The following PLCD1 variants were observed in gnomAD, a reference collection of about 807,000 sequenced individuals.
PLCD1 encodes the protein 1-phosphatidylinositol 4,5-bisphosphate phosphodiesterase delta-1.
PLCD1 carries 71 observed loss-of-function variants against 87.4 expected under a neutral mutation model. That is an observed-to-expected ratio of 0.81 (90% CI 0.67 to 0.99). PLCD1 has a LOEUF of 0.99. Ranked by LOEUF, PLCD1 falls within the 50% of genes least tolerant of loss-of-function variation. The probability of loss-of-function intolerance (pLI) is 0.00; values close to 1 mark genes in which losing one functional copy is unlikely to be tolerated. For synonymous variants in PLCD1, 348 were observed against 399.2 expected (o/e 0.87, Z 1.53); for missense variants, 867 against 1,001.5 (o/e 0.87, Z 1.81).
rs1485519904 is a variant in PLCD1 at position 38,016,484 on chromosome 3, A to G, written c.428+7T>C. 2 of 1,600,502 alleles carry G rather than the reference A, an allele frequency of 1.2e-6. No homozygotes were observed. Among genetic ancestry groups the G allele is most frequent in the Admixed American group, 1.7e-5 (1 of 59,878 alleles). ...CAGGCCTGGACCCACTGCCACCAAA[A>G]GGATACTGCTGTAGCTTCTGACGCT... On this transcript the variant is annotated splice_region_variant and intron_variant, in intron 3 of 14. Transcript: ENST00000334661.
intron 1 of PLCD1, chr3:38,024,275 G>A: frequency 7.5e-6 from 11 of 1,463,388 alleles, no homozygotes; most frequent in Non-Finnish European, 1.0e-5. Flanking sequence ...CAAGTGGTCG[G>A]CGTCCTGCTC....
chr3:38,012,700 T>A (rs1322773578), intron 3 of PLCD1, among the ~76,000 whole-genome samples: 1 of 151,852 alleles, frequency 6.6e-6, no homozygotes, highest in African/African-American at 2.4e-5. Context: ...TATTTTTAGT[T>A]GAGACGGGGT....
Position 38,008,444 on chromosome 3 carries a change from T to C in PLCD1, c.1902+14A>G. ...GAGGTCCGTGGGCACCTGTCCCTCC[T>C]AGGTCCAGCGTACCCTGATGTTGAG... is the stretch of plus-strand genomic sequence containing the variant. On this transcript the variant is annotated intron_variant, in intron 12 of 14. Coordinates refer to ENST00000334661, the MANE Select transcript of PLCD1 (RefSeq NM_006225.4). The C allele has an allele frequency of 1.2e-6, 2 of 1,614,098 alleles. No individual in the cohort carries two copies. The highest frequency in any genetic ancestry group is 1.1e-5 in the South Asian group (1 of 91,084).
Position 38,008,335 on chromosome 3 carries a change from G to GT in PLCD1, c.1934dup (p.Asn645LysfsTer4). On this transcript the variant is annotated frameshift_variant, in exon 13 of 15. Coordinates refer to ENST00000334661, the MANE Select transcript of PLCD1 (RefSeq NM_006225.4). LOFTEE classifies it high-confidence loss of function. ...GGTCCACAATTGAATTCTTATTCTT[G>GT]TTGACTTTTGGCAGCTGCTGCCCCG... The GT allele has an allele frequency of 6.2e-7, 1 of 1,614,206 alleles. No homozygotes were observed. The highest frequency in any genetic ancestry group is 8.5e-7 in the Non-Finnish European group (1 of 1,180,024).
rs1235854690 is a variant in PLCD1, at chr3:38,010,543, C to T, written c.810G>A (p.Met270Ile). 6.2e-7 allele frequency: 1 copy of T among 1,613,798 alleles called. No homozygotes were observed. The highest frequency in any genetic ancestry group is 8.5e-7 in the Non-Finnish European group (1 of 1,179,866). Residue 270 changes from methionine to isoleucine, a missense_variant, in exon 6 of 15, where the codon ATG becomes ATA. Transcript: ENST00000334661. ...AGTACATGAGGAAGCCGTCCTTGGTCATCTGCCGCTGCGCCTTGGCTGGGA... is the reference window on the plus strand; with the variant it reads ...AGTACATGAGGAAGCCGTCCTTGGTTATCTGCCGCTGCGCCTTGGCTGGGA... ...PSETAKAQRQ[M>I]TKDGFLMYLL...
At chr3:38,009,509 G>A (rs1053270363) in intron 9 of PLCD1, 78 bp from the exon 10 acceptor site, 190 of 1,572,332 alleles carry the variant, frequency 1.2e-4, no homozygotes, top group Non-Finnish European at 4.7e-5. Flanking sequence ...AAACCCAGGC[G>A]CAGAGAGACA....
chr3:38,017,135 T>C lies in PLCD1; in HGVS notation c.200-416A>G, dbSNP rs1043154057. Among the ~76,000 whole-genome samples, 2 of 150,966 alleles carry C rather than the reference T, an allele frequency of 1.3e-5. No individual in the cohort carries two copies. Among genetic ancestry groups the C allele is most frequent in the African/African-American group, 4.9e-5 (2 of 40,944 alleles). ...GAGATGCGGACAGACCACTCTGGAG[T>C]GTGGGGCCCATGACAGAGAAGGGCC... is the stretch of plus-strand genomic sequence containing the variant. On this transcript the variant is annotated intron_variant, in intron 2 of 14. Coordinates refer to ENST00000334661, the MANE Select transcript of PLCD1 (RefSeq NM_006225.4). This position sits in a 1 kb window ranked among gnomAD's most constrained non-coding sequence, Gnocchi z 4.7.
At chr3:38,020,542 G>A (rs1442298094) in intron 1 of PLCD1, among the ~76,000 whole-genome samples, 190 bp from the exon 2 acceptor site, 1 of 152,096 alleles carries the variant, frequency 6.6e-6, no homozygotes, top group Non-Finnish European at 1.5e-5. Context: ...CCTCCAGGAA[G>A]TCATCCCTGA....
At chr3:38,024,503 C>T (rs756919802) in intron 1 of PLCD1, 1 of 1,550,508 alleles carries the variant, frequency 6.4e-7, no homozygotes, top group Non-Finnish European at 8.7e-7. Context: ...GTTTTATGCT[C>T]ACAACACCCT....
At chr3:38,022,391 T>G (rs1700248588) in intron 1 of PLCD1, among the ~76,000 whole-genome samples, 1 of 152,216 alleles carries the variant, frequency 6.6e-6, no homozygotes, top group South Asian at 2.1e-4. Context: ...CTATCCCTTC[T>G]AAGGCTGATG....
At chr3:38,024,701 A>C (rs1700287208) in intron 1 of PLCD1, 2 of 1,481,626 alleles carry the variant, frequency 1.3e-6, no homozygotes, top group Non-Finnish European at 1.8e-6. Flanking sequence ...GGCGGGACCT[A>C]TGCCCCCTGA....
intron 1 of PLCD1, chr3:38,024,229 T>G (rs1255010478): frequency 1.0e-6 from 1 of 964,356 alleles, no homozygotes; most frequent in Non-Finnish European, 1.6e-6. Context: ...CATGTCCAAT[T>G]AAAGGCTCCA....
intron 1 of PLCD1, among the ~76,000 whole-genome samples, chr3:38,028,963 A>G (rs1481841865): frequency 6.6e-6 from 1 of 152,220 alleles, no homozygotes; most frequent in African/African-American, 2.4e-5. Context: ...ATCGCTGACT[A>G]TTCTGCGCTG....
intron 1 of PLCD1, among the ~76,000 whole-genome samples, chr3:38,028,167 AGATGTCC>A (rs1213990954): frequency 6.6e-6 from 1 of 152,246 alleles, no homozygotes; most frequent in African/African-American, 2.4e-5. Flanking sequence ...GAGAAAGCAG[AGATGTCC>A]ACTGTGTCCT....
In PLCD1 at chr3:38,011,172, G is replaced by C. The variant is rs199514996; in HGVS notation, c.790+42C>G. On this transcript the variant is annotated intron_variant, in intron 5 of 14. Coordinates refer to ENST00000334661, the MANE Select transcript of PLCD1 (RefSeq NM_006225.4). ...CCCCAGGGGTCTCCCAGCCCAGTGC[G>C]GCCCTGCGACTGCAGGTAGCAGGCC... The C allele has an allele frequency of 3.4e-6, 5 of 1,486,666 alleles. No individual in the cohort carries two copies. In the East Asian group the frequency reaches 9.1e-5, roughly 27 times the overall value. 92.1% of individuals were successfully genotyped at this position (1,486,666 alleles called of 1,614,324 possible). A position where few individuals can be genotyped will look rare whatever the true frequency, so the allele number is the denominator to read the frequency against.
rs1406958222 is a variant in PLCD1 at position 38,017,196 on chromosome 3, T to C, written c.200-477A>G. ...CTGACTGTATTGGACTTTGGGTCTGTCCTGACCCGATAAAGCCACAAGAGC... is the reference window on the plus strand; with the variant it reads ...CTGACTGTATTGGACTTTGGGTCTGCCCTGACCCGATAAAGCCACAAGAGC... On this transcript the variant is annotated intron_variant, in intron 2 of 14. Coordinates refer to ENST00000334661, the MANE Select transcript of PLCD1 (RefSeq NM_006225.4). The surrounding 1 kb of genome is among the most constrained non-coding windows in gnomAD (Gnocchi z 4.7). 6.6e-6 allele frequency among the ~76,000 whole-genome samples: 1 copy of C among 151,944 alleles called. No homozygotes were observed. Among genetic ancestry groups the C allele is most frequent in the Admixed American group, 6.5e-5 (1 of 15,270 alleles).
chr3:38,008,866 CTG>C (rs1355930599), intron 11 of PLCD1, 174 bp downstream of exon 11: 12 of 660,574 alleles, frequency 1.8e-5, no homozygotes, highest in Admixed American at 4.9e-5. Flanking sequence ...GTTTCAGACA[CTG>C]TGACATGCTG....
Position 38,009,795 on chromosome 3 carries a change from A to G in PLCD1, c.1304T>C (p.Ile435Thr). ...LPSPEQLKGKILLKGKKLGGL... is the reference protein window; with the variant it reads ...LPSPEQLKGKTLLKGKKLGGL... ...CCCGAGCTTCTTCCCCTTCAGCAGGATCTTCCCCTTCAGTTGCTAGGTGGG... is the reference window on the plus strand; with the variant it reads ...CCCGAGCTTCTTCCCCTTCAGCAGGGTCTTCCCCTTCAGTTGCTAGGTGGG... The change falls in exon 9 of 15, where the codon ATC (isoleucine) becomes ACC (threonine). Residue 435 changes from isoleucine (I) to threonine (T), a missense_variant. By Grantham distance (89) the Ile-to-Thr change is moderately conservative. Transcript: ENST00000334661. The G allele has an allele frequency of 6.2e-7, 1 of 1,613,946 alleles. No individual in the cohort carries two copies. The highest frequency in any genetic ancestry group is 8.5e-7 in the Non-Finnish European group (1 of 1,179,994).
rs1443716079 is a variant in PLCD1, at chr3:38,029,564, G to A, written c.-25C>T. Reference sequence around the variant, plus strand: ...TGCCCGACGGGCGGCGCGGCGGGAGGGGCACCGCGGGACTCACTTGAGTAG... The same window carrying A: ...TGCCCGACGGGCGGCGCGGCGGGAGAGGCACCGCGGGACTCACTTGAGTAG... On this transcript the variant is annotated 5_prime_UTR_variant, in exon 1 of 15. Coordinates refer to ENST00000334661, the MANE Select transcript of PLCD1 (RefSeq NM_006225.4). The A allele has an allele frequency of 2.0e-6, 3 of 1,535,256 alleles. No homozygotes were observed. The highest frequency in any genetic ancestry group is 1.2e-5 in the South Asian group (1 of 83,856).
Sources: allele counts gnomAD v4.1 joint callset (sites outside exome capture counted in the v4.1 genomes callset), GRCh38; gene constraint gnomAD v4.1.1; non-coding constraint Gnocchi (gnomAD v3.1); transcripts MANE v1.5; gene names NCBI Gene and HGNC (gene_info 2026-07-23, HGNC 2026-07-21).